Variants in FHIT observed in about 807,000 individuals in gnomAD.
FHIT encodes the protein fragile histidine triad diadenosine triphosphatase.
A neutral mutation model predicts 17.9 loss-of-function variants in FHIT; 19 were observed. The observed-to-expected ratio is 1.06, with a 90% CI of 0.74 to 1.56. FHIT has a LOEUF of 1.56. Ranked by LOEUF, FHIT falls within the 40% of genes most tolerant of loss-of-function variation. The pLI is 0.00. For synonymous variants in FHIT, 81 were observed against 69.7 expected (o/e 1.16, Z -0.81); for missense variants, 248 against 189.2 (o/e 1.31, Z -1.82).
At chr3:60,419,044 A>G (rs1465660244) in intron 5 of FHIT, among the ~76,000 whole-genome samples, 1 of 152,140 alleles carries the variant, frequency 6.6e-6, no homozygotes, top group Non-Finnish European at 1.5e-5. Flanking sequence ...AACTAGAAAG[A>G]GATTTTCATG....
At chr3:61,091,489 G>C (rs996707245) in intron 2 of FHIT, among the ~76,000 whole-genome samples, 2 of 151,940 alleles carry the variant, frequency 1.3e-5, no homozygotes, top group African/African-American at 4.8e-5. Context: ...CCTCCTACTC[G>C]TCCTCATCAT....
chr3:60,750,876 C>G (rs1046405197), intron 4 of FHIT, among the ~76,000 whole-genome samples: 16 of 152,164 alleles, frequency 1.1e-4, no homozygotes, highest in African/African-American at 3.9e-4. Context: ...TTCAGACAAG[C>G]CGACTTCATC....
At chr3:60,933,774 A>G (rs1708069337) in intron 3 of FHIT, among the ~76,000 whole-genome samples, 1 of 152,184 alleles carries the variant, frequency 6.6e-6, no homozygotes, top group Non-Finnish European at 1.5e-5. Flanking sequence ...CACACTTACT[A>G]GTATAGAAAG....
chr3:59,813,128 TTAG>T (rs1700465608), intron 8 of FHIT, among the ~76,000 whole-genome samples: 1 of 152,238 alleles, frequency 6.6e-6, no homozygotes, highest in African/African-American at 2.4e-5. Context: ...TGAATTTTAA[TTAG>T]TAATTACAAT....
chr3:61,049,780 C>G (rs1213104217), intron 2 of FHIT, among the ~76,000 whole-genome samples: 1 of 152,140 alleles, frequency 6.6e-6, no homozygotes, highest in Non-Finnish European at 1.5e-5. Flanking sequence ...GAAGGTCACT[C>G]TCACCTTCTG....
chr3:60,934,985 C>G (rs1346024298), intron 3 of FHIT, among the ~76,000 whole-genome samples: 4 of 152,162 alleles, frequency 2.6e-5, no homozygotes, highest in African/African-American at 7.2e-5. Flanking sequence ...AGATCCAGCA[C>G]AAGGCCAATT....
At chr3:60,504,091 T>A (rs6777241) in intron 5 of FHIT, among the ~76,000 whole-genome samples, 68,276 of 152,018 alleles carry the variant, frequency 0.45, 15,618 homozygotes, top group African/African-American at 0.51. Context: ...GTATATTCTC[T>A]AAATATAAGC....
chr3:60,857,819 T>C (rs1348997561), intron 3 of FHIT, among the ~76,000 whole-genome samples: 2 of 152,112 alleles, frequency 1.3e-5, no homozygotes, highest in Admixed American at 1.3e-4. Context: ...TTCTAGTTAC[T>C]TGGGAGGCTG....
intron 1 of FHIT, among the ~76,000 whole-genome samples, chr3:61,210,969 A>G (rs2039447502): frequency 6.6e-6 from 1 of 152,084 alleles, no homozygotes; most frequent in African/African-American, 2.4e-5. Flanking sequence ...TTTTATTGAC[A>G]TATAACAAAT....
chr3:60,381,729 A>G (rs927903822), intron 5 of FHIT, among the ~76,000 whole-genome samples: 1 of 152,030 alleles, frequency 6.6e-6, no homozygotes, highest in Non-Finnish European at 1.5e-5. Flanking sequence ...ATATACAATC[A>G]TTACTCTTTC....
chr3:60,856,389 A>T (rs1232161952), intron 3 of FHIT: 1 of 152,088 alleles, frequency 6.6e-6, no homozygotes, highest in Non-Finnish European at 1.5e-5. Context: ...TAAAATGAAG[A>T]TCACTCAGAC....
intron 5 of FHIT, among the ~76,000 whole-genome samples, chr3:60,264,041 G>C (rs939195567): frequency 1.3e-5 from 2 of 151,818 alleles, no homozygotes; most frequent in Non-Finnish European, 2.9e-5. Flanking sequence ...GAGGTGGTTA[G>C]CTAAGGGTAC....
intron 2 of FHIT, among the ~76,000 whole-genome samples, chr3:61,111,900 A>C (rs2036169559): frequency 6.6e-6 from 1 of 152,212 alleles, no homozygotes; most frequent in Non-Finnish European, 1.5e-5. Context: ...ACTGAGTCAA[A>C]ACTGAACTCA....
chr3:61,032,804 G>C (rs1006683991), intron 3 of FHIT, among the ~76,000 whole-genome samples: 11 of 152,254 alleles, frequency 7.2e-5, no homozygotes, highest in East Asian at 1.9e-4. Flanking sequence ...TGAGGGATTG[G>C]CCCATGCCAT....
chr3:61,024,880 G>C (rs2032651755), intron 3 of FHIT, among the ~76,000 whole-genome samples: 1 of 151,896 alleles, frequency 6.6e-6, no homozygotes, highest in South Asian at 2.1e-4. Flanking sequence ...ATGTACAAGT[G>C]ACAGCTTTTT....
chr3:61,031,207 GT>G (rs2032995015), intron 3 of FHIT, among the ~76,000 whole-genome samples: 1 of 152,186 alleles, frequency 6.6e-6, no homozygotes, highest in Admixed American at 6.5e-5. Flanking sequence ...TTGTTTACAA[GT>G]TTTGGTAACC....
intron 4 of FHIT, among the ~76,000 whole-genome samples, chr3:60,612,790 A>T (rs1286466012): frequency 1.3e-5 from 2 of 152,100 alleles, no homozygotes; most frequent in African/African-American, 4.8e-5. Flanking sequence ...ACAGACCACC[A>T]CTCCCATCTC....
intron 7 of FHIT, among the ~76,000 whole-genome samples, chr3:59,970,618 T>C (rs1299729251): frequency 6.6e-6 from 1 of 152,076 alleles, no homozygotes; most frequent in Non-Finnish European, 1.5e-5. Flanking sequence ...GACAGATTGT[T>C]TTAGGGTGCA....
intron 5 of FHIT, among the ~76,000 whole-genome samples, chr3:60,260,601 C>T (rs1706241785): frequency 6.6e-6 from 1 of 151,910 alleles, no homozygotes. Context: ...ATATATTATG[C>T]TATTTTTTTC....
Sources: gnomAD v4.1 joint callset for allele counts (sites outside exome capture counted in the v4.1 genomes callset) on GRCh38, gnomAD v4.1.1 for gene constraint, MANE v1.5 for transcripts, NCBI Gene and HGNC (gene_info 2026-07-23, HGNC 2026-07-21) for gene names.